C1QTNF3: variants seen among roughly 807,000 people sequenced by gnomAD.
The protein encoded by C1QTNF3 is complement C1q tumor necrosis factor-related protein 3.
C1QTNF3 carries 26 observed loss-of-function variants against 32.6 expected under a neutral mutation model. The ratio of observed to expected loss-of-function variants is 0.80; its 90% confidence interval spans 0.58 to 1.11. The LOEUF is 1.11. C1QTNF3 is among the 50% of genes least tolerant of loss of function. The probability of loss-of-function intolerance (pLI) is 0.00; values close to 1 mark genes in which losing one functional copy is unlikely to be tolerated. For synonymous variants in C1QTNF3, 155 were observed against 146.0 expected (o/e 1.06, Z -0.44); for missense variants, 362 against 398.2 (o/e 0.91, Z 0.77).
chr5:34,060,435 T>A, the C1QTNF3 span, among the ~76,000 whole-genome samples: 1 of 152,174 alleles, frequency 6.6e-6, no homozygotes, highest in Non-Finnish European at 1.5e-5. Flanking sequence ...TCTAAACATA[T>A]AGAAACACAG....
the C1QTNF3 span, among the ~76,000 whole-genome samples, chr5:34,056,454 G>GTGTGTATATA: frequency 3.5e-3 from 169 of 48,636 alleles, 1 homozygote; most frequent in East Asian, 6.9e-3. Flanking sequence ...GTGTGTGTGT[G>GTGTGTATATA]TATATATATA....
At chr5:34,166,954 C>T in the C1QTNF3 span, 1 of 152,118 alleles carries the variant, frequency 6.6e-6, no homozygotes, top group African/African-American at 2.4e-5. Context: ...ACCAAATTGC[C>T]TCCAAGGTCA....
chr5:34,129,548 A>G, the C1QTNF3 span, among the ~76,000 whole-genome samples: 5 of 152,154 alleles, frequency 3.3e-5, no homozygotes, highest in Non-Finnish European at 7.4e-5. Context: ...AATTGGATGC[A>G]TATATTAAAG....
chr5:34,222,070 C>T, the C1QTNF3 span, among the ~76,000 whole-genome samples: 37 of 151,982 alleles, frequency 2.4e-4, 1 homozygote, highest in South Asian at 7.7e-3. Flanking sequence ...ATAGATATTT[C>T]GCTTGTGGTA....
chr5:34,061,683 GC>G, the C1QTNF3 span, among the ~76,000 whole-genome samples: 3 of 152,188 alleles, frequency 2.0e-5, no homozygotes, highest in Non-Finnish European at 2.9e-5. Context: ...GCACCTTTCA[GC>G]CATGGCTGGA....
At chr5:34,167,758 T>G in the C1QTNF3 span, 1 of 152,204 alleles carries the variant, frequency 6.6e-6, no homozygotes, top group African/African-American at 2.4e-5. Context: ...AAATAATAGC[T>G]TCCACTAAAA....
At position 34,043,065 on chromosome 5, in the gene C1QTNF3, G is replaced by T; in HGVS notation, c.61C>A (p.Leu21Met). The stretch of plus-strand genomic sequence containing the variant: ...ACCTCCATGTATTCATCTTGACACA[G>T]GCAAAAAGGGAGGAAAAACAAAGCC... ...LLALFFLPFC[L>M]CQDEYMEVSG... The change falls in exon 1 of 6, where the codon CTG becomes ATG. Residue 21 changes from leucine to methionine, a missense_variant. Coordinates refer to ENST00000382065, the MANE Select transcript of C1QTNF3 (RefSeq NM_181435.6). 6.2e-7 allele frequency: 1 copy of T among 1,613,422 alleles called. No homozygotes were observed. Among genetic ancestry groups the T allele is most frequent in the Non-Finnish European group, 8.5e-7 (1 of 1,179,866 alleles).
At chr5:34,226,115 G>A in the C1QTNF3 span, among the ~76,000 whole-genome samples, 1,531 of 151,698 alleles carry the variant, frequency 0.01, 28 homozygotes, top group African/African-American at 0.035. Flanking sequence ...TCCAAATCCG[G>A]GCCACAAGTT....
the C1QTNF3 span, among the ~76,000 whole-genome samples, chr5:34,133,419 AT>A: frequency 6.6e-6 from 1 of 152,082 alleles, no homozygotes; most frequent in Non-Finnish European, 1.5e-5. Context: ...TGCCAGTATG[AT>A]CTAGAATAAG....
chr5:34,050,899 G>C, the C1QTNF3 span, among the ~76,000 whole-genome samples: 3 of 152,168 alleles, frequency 2.0e-5, no homozygotes, highest in South Asian at 6.2e-4. Flanking sequence ...GCCCAGCATG[G>C]AACACCTTGT....
chr5:34,133,126 T>C, the C1QTNF3 span, among the ~76,000 whole-genome samples: 21 of 152,212 alleles, frequency 1.4e-4, no homozygotes, highest in Non-Finnish European at 2.4e-4. Flanking sequence ...AGGGATCATA[T>C]CAACCTCTCC....
chr5:34,218,370 C>CT, the C1QTNF3 span: 3 of 151,076 alleles, frequency 2.0e-5, no homozygotes, highest in Admixed American at 2.0e-4. Context: ...TCTTAGGAAG[C>CT]TTCAGGACTA....
the C1QTNF3 span, among the ~76,000 whole-genome samples, chr5:34,067,123 C>T: frequency 1.3e-5 from 2 of 152,314 alleles, no homozygotes; most frequent in South Asian, 4.1e-4. Flanking sequence ...TTCTCATCTC[C>T]ATCTGATATC....
Position 34,042,982 on chromosome 5 carries a change from G to T in C1QTNF3, c.144C>A (p.Gly48=), listed in dbSNP as rs776445792. The change falls in exon 1 of 6, where the codon GGC becomes GGA. Residue 48 remains glycine, a synonymous_variant. Transcript: ENST00000382065. ...ARIVQSHQQT[G]RSGSRREKVR... ...CTTTCTCCCTCCTGGAGCCGCTACG[G>T]CCAGTCTGCTGGTGGCTTTGCACTA... is the stretch of plus-strand genomic sequence containing the variant. 6 of 1,614,180 alleles carry T rather than the reference G, an allele frequency of 3.7e-6. No individual in the cohort carries two copies.
chr5:34,150,332 G>T, the C1QTNF3 span, among the ~76,000 whole-genome samples: 1 of 109,198 alleles, frequency 9.2e-6, no homozygotes, highest in Non-Finnish European at 1.8e-5. Context: ...CCCAGGAATT[G>T]AACTCAGCTC....
chr5:34,053,447 T>C, the C1QTNF3 span, among the ~76,000 whole-genome samples: 1 of 152,230 alleles, frequency 6.6e-6, no homozygotes, highest in South Asian at 2.1e-4. Context: ...TGGTGTGACA[T>C]GGGGCTCTCA....
chr5:34,035,090 C>T (rs949368507), intron 2 of C1QTNF3, among the ~76,000 whole-genome samples: 12 of 152,120 alleles, frequency 7.9e-5, no homozygotes, highest in Non-Finnish European at 1.8e-4. Flanking sequence ...TGGACTGACC[C>T]AGGGTACCAG....
the C1QTNF3 span, among the ~76,000 whole-genome samples, chr5:34,222,067 T>C: frequency 6.6e-6 from 1 of 152,054 alleles, no homozygotes; most frequent in South Asian, 2.1e-4. Flanking sequence ...ATTATAGATA[T>C]TTCGCTTGTG....
upstream of C1QTNF3, among the ~76,000 whole-genome samples, chr5:34,045,654 T>C (rs548621254): frequency 6.6e-6 from 1 of 152,222 alleles, no homozygotes; most frequent in East Asian, 1.9e-4. Flanking sequence ...CTGGACTCCA[T>C]CTGTCTTTCC....
Sources: allele counts gnomAD v4.1 joint callset (sites outside exome capture counted in the v4.1 genomes callset), GRCh38; gene constraint gnomAD v4.1.1; transcripts MANE v1.5; gene names NCBI Gene and HGNC (gene_info 2026-07-23, HGNC 2026-07-21).